Variants in GNG7 observed in about 807,000 individuals in gnomAD.
GNG7 encodes the protein guanine nucleotide-binding protein G(I)/G(S)/G(O) subunit gamma-7.
Under a neutral mutation model 4.0 loss-of-function variants are expected in GNG7, and 1 was observed. The observed-to-expected ratio is 0.25, with a 90% CI of 0.09 to 1.18. The LOEUF (loss-of-function observed/expected upper bound fraction) is 1.18, where lower values mean the gene tolerates loss of function less well. Among genes scored for constraint, GNG7 ranks in the 50% most tolerant of loss-of-function variants. The probability of loss-of-function intolerance (pLI) is 0.50; values close to 1 mark genes in which losing one functional copy is unlikely to be tolerated. For missense variants in GNG7, 86 were observed against 91.9 expected (o/e 0.94, Z 0.26); for synonymous variants, 34 against 36.9 (o/e 0.92, Z 0.29).
intron 2 of GNG7, among the ~76,000 whole-genome samples, chr19:2,559,871 C>T (rs1459301624): frequency 6.6e-6 from 1 of 152,064 alleles, no homozygotes; most frequent in African/African-American, 2.4e-5. Context: ...CAGCTGCTCT[C>T]TCAGTCCTGC....
intron 2 of GNG7, among the ~76,000 whole-genome samples, chr19:2,586,984 CAAAAAAA>C (rs756891397): frequency 7.4e-4 from 36 of 48,730 alleles, no homozygotes; most frequent in Non-Finnish European, 9.5e-4. Context: ...GACTCCATCT[CAAAAAAA>C]AAAAAAAAAA....
intron 2 of GNG7, among the ~76,000 whole-genome samples, chr19:2,594,305 A>G (rs1302006154): frequency 6.6e-6 from 1 of 151,720 alleles, no homozygotes; most frequent in Non-Finnish European, 1.5e-5. Context: ...CCTGGGAGGT[A>G]GAGGTTGCAG....
chr19:2,635,408 C>A (rs1006459892), intron 2 of GNG7, among the ~76,000 whole-genome samples: 1 of 152,196 alleles, frequency 6.6e-6, no homozygotes, highest in African/African-American at 2.4e-5. Context: ...TCAGACACCA[C>A]GACAAACTCC....
chr19:2,594,026 G>T (rs1430396488), intron 2 of GNG7, among the ~76,000 whole-genome samples: 8 of 151,822 alleles, frequency 5.3e-5, no homozygotes, highest in Non-Finnish European at 1.0e-4. Flanking sequence ...GCTTCTGAAG[G>T]GGAGGAAAAT....
intron 1 of GNG7, among the ~76,000 whole-genome samples, chr19:2,654,130 CTT>C (rs759530561): frequency 2.6e-5 from 4 of 151,526 alleles, no homozygotes; most frequent in Non-Finnish European, 5.9e-5. Context: ...AGAGGAAGGT[CTT>C]TATTTAGGAA....
At chr19:2,612,955 G>A (rs1240753061) in intron 2 of GNG7, among the ~76,000 whole-genome samples, 1 of 152,050 alleles carries the variant, frequency 6.6e-6, no homozygotes, top group Non-Finnish European at 1.5e-5. Context: ...GCCTCCCAAA[G>A]TGTTGAGATT....
intron 2 of GNG7, among the ~76,000 whole-genome samples, chr19:2,639,522 G>A (rs1225944625): frequency 6.6e-6 from 1 of 151,984 alleles, no homozygotes; most frequent in Non-Finnish European, 1.5e-5. Context: ...CTGGGAGGGT[G>A]GGGAACGAGC....
At chr19:2,673,256 TCAA>T (rs1983505624) in intron 1 of GNG7, among the ~76,000 whole-genome samples, 1 of 88,856 alleles carries the variant, frequency 1.1e-5, no homozygotes, top group Admixed American at 1.3e-4. Context: ...AGATTCCATC[TCAA>T]AAAAAAAACA....
rs114755878 is a variant in GNG7, at chr19:2,631,536, A to G, written c.-78+14688T>C. On this transcript the variant is annotated intron_variant, in intron 2 of 4. Coordinates refer to ENST00000382159, the MANE Select transcript of GNG7 (RefSeq NM_052847.3). Reference sequence around the variant, plus strand: ...CGTGTGCCAATAAAACTTTATTCATAAAAACAGGAAGTGGAACAGAGAACT... The same window carrying G: ...CGTGTGCCAATAAAACTTTATTCATGAAAACAGGAAGTGGAACAGAGAACT... 3.3e-3 allele frequency among the ~76,000 whole-genome samples: 474 copies of G among 145,590 alleles called. 7 individuals are homozygous for G. Among genetic ancestry groups the G allele is most frequent in the African/African-American group, 0.013 (444 of 35,198 alleles).
At chr19:2,579,904 T>G (rs1180544024) in intron 2 of GNG7, among the ~76,000 whole-genome samples, 1 of 152,164 alleles carries the variant, frequency 6.6e-6, no homozygotes, top group Non-Finnish European at 1.5e-5. Context: ...TCATGGGGTC[T>G]GCAAGCCTGT....
Position 2,614,732 on chromosome 19 carries a change from C to T in GNG7, c.-78+31492G>A, listed in dbSNP as rs372184358. ...TTTCCACCTTTTAGCCATTGTGAAT[C>T]GTACTGTATGAACATTTGTGGCAAG... On this transcript the variant is annotated intron_variant, in intron 2 of 4. Transcript: ENST00000382159. The surrounding 1 kb of genome is among the most constrained non-coding windows in gnomAD (Gnocchi z 6.0). 1.5e-4 allele frequency among the ~76,000 whole-genome samples: 23 copies of T among 152,314 alleles called. No individual in the cohort carries two copies. The highest frequency in any genetic ancestry group is 4.6e-4 in the African/African-American group (19 of 41,566).
At chr19:2,539,865 CTTCTTTCTCT>C (rs1568236329) in intron 3 of GNG7, among the ~76,000 whole-genome samples, 30 of 141,018 alleles carry the variant, frequency 2.1e-4, no homozygotes, top group Non-Finnish European at 2.7e-4. Flanking sequence ...TCCCTCCCTT[CTTCTTTCTCT>C]CTCCCTCTCC....
rs1392817713 is a variant in GNG7 at position 2,622,888 on chromosome 19, C to T, written c.-78+23336G>A. On this transcript the variant is annotated intron_variant, in intron 2 of 4. Transcript: ENST00000382159. ...GGCAGAGAGGAGGGCTTTGTTTTCACTTTCACCGTGTATCATTTATACCAC... is the reference window on the plus strand; with the variant it reads ...GGCAGAGAGGAGGGCTTTGTTTTCATTTTCACCGTGTATCATTTATACCAC... Among the ~76,000 whole-genome samples the T allele has an allele frequency of 2.0e-5, 3 of 152,384 alleles. No homozygotes were observed. The East Asian group carries it at 5.8e-4, about 29-fold the overall frequency.
At chr19:2,625,523 T>C (rs957788021) in intron 2 of GNG7, among the ~76,000 whole-genome samples, 1 of 151,892 alleles carries the variant, frequency 6.6e-6, no homozygotes, top group African/African-American at 2.4e-5. Context: ...TTAGCCAGAC[T>C]TCTCTCTTCT....
intron 1 of GNG7, among the ~76,000 whole-genome samples, chr19:2,657,361 A>AAAAAAAAAAAATAAAT (rs1555701153): frequency 6.1e-5 from 1 of 16,342 alleles, no homozygotes; most frequent in Non-Finnish European, 1.0e-4. Flanking sequence ...AAAAAAAAAA[A>AAAAAAAAAAAATAAAT]ATATATATAT....
At chr19:2,652,389 G>A (rs919834375) in intron 1 of GNG7, among the ~76,000 whole-genome samples, 11 of 152,084 alleles carry the variant, frequency 7.2e-5, no homozygotes, top group African/African-American at 2.7e-4. Flanking sequence ...GGAGGCCGAG[G>A]CGGGTAAATC....
At chr19:2,544,871 A>G (rs1979074361) in intron 3 of GNG7, among the ~76,000 whole-genome samples, 1 of 150,682 alleles carries the variant, frequency 6.6e-6, no homozygotes, top group Non-Finnish European at 1.5e-5. Context: ...GAAGGATCTT[A>G]CCCCACTGTC....
chr19:2,654,451 C>T (rs988321543), intron 1 of GNG7, among the ~76,000 whole-genome samples: 1 of 151,866 alleles, frequency 6.6e-6, no homozygotes, highest in East Asian at 2.0e-4. Flanking sequence ...GCCAGGAGCA[C>T]CCCCAGTCAC....
Position 2,644,327 on chromosome 19 carries a change from TTATATATA to T in GNG7, c.-78+1889_-78+1896del, listed in dbSNP as rs56143197. Among the ~76,000 whole-genome samples, 468 of 113,900 alleles carry T rather than the reference TTATATATA, an allele frequency of 4.1e-3. 4 individuals are homozygous for T. The highest frequency in any genetic ancestry group is 5.2e-3 in the Admixed American group (54 of 10,322). 74.7% of individuals were successfully genotyped at this position (113,900 alleles called of 152,430 possible). A position where few individuals can be genotyped will look rare whatever the true frequency, so the allele number is the denominator to read the frequency against. On this transcript the variant is annotated intron_variant, in intron 2 of 4. Coordinates refer to ENST00000382159, the MANE Select transcript of GNG7 (RefSeq NM_052847.3). ...TGAGCCACTGCACCCGGCCTACACTTTATATATATATATATATATATATATATATATAT... is the reference window on the plus strand; with the variant it reads ...TGAGCCACTGCACCCGGCCTACACTTTATATATATATATATATATATATAT...
Sources: allele counts gnomAD v4.1 joint callset (sites outside exome capture counted in the v4.1 genomes callset), GRCh38; gene constraint gnomAD v4.1.1; non-coding constraint Gnocchi (gnomAD v3.1); transcripts MANE v1.5; gene names NCBI Gene and HGNC (gene_info 2026-07-23, HGNC 2026-07-21).